The following ENG variants were observed in gnomAD, a reference collection of about 807,000 sequenced individuals.
The protein encoded by ENG is endoglin, also known as CD105 antigen.
In ENG, 17 loss-of-function variants were observed where a neutral mutation model predicts 71.0. That is an observed-to-expected ratio of 0.24 (90% confidence interval 0.16 to 0.36). The LOEUF (loss-of-function observed/expected upper bound fraction) is 0.36. ENG is among the 10% of genes least tolerant of loss of function. The pLI, the probability that ENG is intolerant of heterozygous loss-of-function variation, is 1.00. For synonymous variants in ENG, 360 were observed against 366.9 expected (o/e 0.98, Z 0.21); for missense variants, 749 against 868.3 (o/e 0.86, Z 1.73).
At chr9:127,853,437 T>C (rs924430250) in intron 1 of ENG, among the ~76,000 whole-genome samples, 2 of 151,776 alleles carry the variant, frequency 1.3e-5, no homozygotes, top group Non-Finnish European at 2.9e-5. Context: ...GGATAGGGAG[T>C]GGGACATGGG....
intron 7 of ENG, 109 bp downstream of exon 7, chr9:127,824,689 CAG>C: frequency 7.9e-7 from 1 of 1,266,666 alleles, no homozygotes. Context: ...AAATGAGGCT[CAG>C]AGAGGCTGAT....
intron 1 of ENG, among the ~76,000 whole-genome samples, chr9:127,852,379 C>T (rs562669139): frequency 3.9e-5 from 6 of 152,320 alleles, no homozygotes; most frequent in African/African-American, 1.2e-4. Flanking sequence ...CCCCTACCCC[C>T]AGCTGGCTTC....
Position 127,826,616 on chromosome 9 carries a change from T to C in ENG, c.417A>G (p.Pro139=), listed in dbSNP as rs748286907. 6.2e-7 allele frequency: 1 copy of C among 1,614,002 alleles called. No homozygotes were observed. Among genetic ancestry groups the C allele is most frequent in the East Asian group, 2.2e-5 (1 of 44,874 alleles). ...CAAGGATCTGGGTCTTGGGGAAGGA[T>C]GGCAGCTCTGTGGTGTTGACCCCCG... ...EPPGVNTTEL[P]SFPKTQILEW... Residue 139 remains proline, a synonymous_variant, in exon 4 of 15, where the codon CCA becomes CCG. Transcript: ENST00000373203.
intron 2 of ENG, among the ~76,000 whole-genome samples, chr9:127,835,846 G>A (rs11792480): frequency 0.24 from 36,911 of 152,036 alleles, 5,828 homozygotes; most frequent in Middle Eastern, 0.38. Flanking sequence ...CTGGAACTTC[G>A]GAATGTTTCT....
intron 2 of ENG, among the ~76,000 whole-genome samples, chr9:127,834,522 A>C (rs551756655): frequency 6.6e-6 from 1 of 152,338 alleles, no homozygotes; most frequent in East Asian, 1.9e-4. Flanking sequence ...CTCCTGCCTC[A>C]GACTCCTGAG....
Position 127,836,491 on chromosome 9 carries a change from C to T in ENG, c.219+6603G>A, listed in dbSNP as rs1039407404. 2.6e-5 allele frequency among the ~76,000 whole-genome samples: 4 copies of T among 152,248 alleles called. No homozygotes were observed. Among genetic ancestry groups the T allele is most frequent in the Non-Finnish European group, 5.9e-5 (4 of 68,040 alleles). On this transcript the variant is annotated intron_variant, in intron 2 of 14. Transcript: ENST00000373203. This position sits in a 1 kb window ranked among gnomAD's most constrained non-coding sequence, Gnocchi z 4.0. ...GAGCCTCAGGGCTGCCTGCAGCCCC[C>T]ACCCTCCCAGGGCCTGACTGGAGGC...
chr9:127,825,479 G>A, intron 5 of ENG, 122 bp from the exon 6 acceptor site: 1 of 1,502,120 alleles, frequency 6.7e-7, no homozygotes, highest in Non-Finnish European at 9.1e-7. Flanking sequence ...ATGGGATAGG[G>A]ATGGGACTGG....
intron 7 of ENG, 80 bp downstream of exon 7, chr9:127,824,720 C>A: frequency 7.2e-7 from 1 of 1,394,270 alleles, no homozygotes. Context: ...CCCAAGCTCA[C>A]ACAGAGGTGC....
intron 5 of ENG, 83 bp downstream of exon 5, chr9:127,825,612 G>A: frequency 8.1e-7 from 1 of 1,235,942 alleles, no homozygotes; most frequent in South Asian, 1.5e-5. Flanking sequence ...GGCTTTATAA[G>A]GGACCGGAGA....
intron 2 of ENG, among the ~76,000 whole-genome samples, chr9:127,830,670 CA>C (rs1024443107): frequency 2.0e-5 from 3 of 150,398 alleles, no homozygotes; most frequent in South Asian, 2.1e-4. Context: ...AAAAAACAAA[CA>C]AAAAAAAGGG....
chr9:127,825,095 C>T (rs1025519498), intron 6 of ENG, 121 bp from the exon 7 acceptor site: 2 of 1,590,782 alleles, frequency 1.3e-6, no homozygotes, highest in African/African-American at 2.7e-5. Context: ...CGTCTTCTGC[C>T]TGGCCCCTTC....
At chr9:127,829,631 A>G (rs1830710124) in intron 3 of ENG, 56 bp downstream of exon 3, 1 of 1,609,170 alleles carries the variant, frequency 6.2e-7, no homozygotes, top group Non-Finnish European at 8.5e-7. Flanking sequence ...AGAGATGGAC[A>G]GTAGGGACCT....
chr9:127,847,772 C>A (rs373058591), intron 1 of ENG, among the ~76,000 whole-genome samples: 57 of 152,174 alleles, frequency 3.7e-4, no homozygotes, highest in South Asian at 1.0e-3. Context: ...TTGTTCAGTA[C>A]CCCCGGGCCA....
At chr9:127,825,622 A>AG in intron 5 of ENG, 73 bp downstream of exon 5, 1 of 884,686 alleles carries the variant, frequency 1.1e-6, no homozygotes, top group Non-Finnish European at 1.4e-6. Flanking sequence ...GGGACCGGAG[A>AG]GGGGGCGGGG....
At chr9:127,818,661 G>T (rs185549924) in intron 11 of ENG, 55 bp downstream of exon 11, 1 of 1,570,640 alleles carries the variant, frequency 6.4e-7, no homozygotes, top group African/African-American at 1.3e-5. Flanking sequence ...GAAGAAAGGC[G>T]GAGAGGAAGT....
At chr9:127,845,207 G>T (rs1261279819) in intron 1 of ENG, among the ~76,000 whole-genome samples, 1 of 152,232 alleles carries the variant, frequency 6.6e-6, no homozygotes, top group Non-Finnish European at 1.5e-5. Context: ...TCCAGCCAAG[G>T]CCGGCTCAGA....
At position 127,816,026 on chromosome 9, in the gene ENG, G is replaced by A; in HGVS notation, c.1769C>T (p.Pro590Leu). The change falls in exon 14 of 15, where the codon CCC becomes CTC. Residue 590 changes from proline to leucine, a missense_variant. Transcript: ENST00000373203. Reference protein sequence around the residue: ...SGCTSKGLVLPAVLGITFGAF... With the variant: ...SGCTSKGLVLLAVLGITFGAF... The stretch of plus-strand genomic sequence containing the variant: ...ACCAAAGGTGATGCCCAGCACGGCG[G>A]GCAGGACGAGGCCTTTGCTTGTGCA... 1 of 1,610,574 alleles carries A rather than the reference G, an allele frequency of 6.2e-7. No homozygotes were observed.
At chr9:127,815,905 G>A (rs749176478) in intron 14 of ENG, 38 bp downstream of exon 14, 5 of 1,576,692 alleles carry the variant, frequency 3.2e-6, no homozygotes, top group Non-Finnish European at 4.3e-6. Context: ...TGGATGGAGG[G>A]GCCCGGCATG....
chr9:127,829,875 AG>A, intron 2 of ENG, 48 bp from the exon 3 acceptor site: 4 of 1,611,846 alleles, frequency 2.5e-6, no homozygotes, highest in Non-Finnish European at 3.4e-6. Flanking sequence ...AGATTTGTAT[AG>A]GTTGTGCCAC....
Sources: allele counts gnomAD v4.1 joint callset (sites outside exome capture counted in the v4.1 genomes callset), GRCh38; gene constraint gnomAD v4.1.1; non-coding constraint Gnocchi (gnomAD v3.1); transcripts MANE v1.5; gene names NCBI Gene and HGNC (gene_info 2026-07-23, HGNC 2026-07-21).